Variants in EHHADH observed in about 807,000 individuals in gnomAD.
The protein encoded by EHHADH is enoyl-CoA hydratase and 3-hydroxyacyl CoA dehydrogenase.
A neutral mutation model predicts 64.4 loss-of-function variants in EHHADH; 48 were observed. The observed-to-expected ratio is 0.75, with a 90% CI of 0.59 to 0.95. The LOEUF (loss-of-function observed/expected upper bound fraction) is 0.95. Among genes scored for constraint, EHHADH ranks in the 40% least tolerant of loss-of-function variants. The pLI is 0.00. For synonymous variants in EHHADH, 308 were observed against 326.7 expected, an observed-to-expected ratio of 0.94 and a Z score of 0.62; for missense variants, 854 against 876.6, an observed-to-expected ratio of 0.97 and a Z score of 0.33.
At chr3:185,229,235 A>G (rs1164980233) in intron 4 of EHHADH, among the ~76,000 whole-genome samples, 197 bp downstream of exon 4, 2 of 152,232 alleles carry the variant, frequency 1.3e-5, no homozygotes, top group African/African-American at 2.4e-5. Context: ...AGGCTCTCAC[A>G]TTTGATCTTC....
chr3:185,206,643 C>T (rs551885853), intron 5 of EHHADH, among the ~76,000 whole-genome samples: 1 of 151,892 alleles, frequency 6.6e-6, no homozygotes, highest in Non-Finnish European at 1.5e-5. Flanking sequence ...GCCTGGGCAA[C>T]ATGGTGAAAC....
At chr3:185,203,843 G>C (rs1341033467) in intron 6 of EHHADH, among the ~76,000 whole-genome samples, 1 of 152,024 alleles carries the variant, frequency 6.6e-6, no homozygotes, top group African/African-American at 2.4e-5. Flanking sequence ...AGGTAGCATA[G>C]AATAAAAAAT....
intron 5 of EHHADH, among the ~76,000 whole-genome samples, chr3:185,212,607 G>C (rs976451821): frequency 6.6e-6 from 1 of 152,182 alleles, no homozygotes; most frequent in Admixed American, 6.5e-5. Context: ...CAGTGGGAGT[G>C]AGAATAGGCT....
At chr3:185,194,627 C>CAAA (rs1438594344) in intron 6 of EHHADH, among the ~76,000 whole-genome samples, 1 of 150,298 alleles carries the variant, frequency 6.7e-6, no homozygotes, top group African/African-American at 2.4e-5. Flanking sequence ...ACAACAACAA[C>CAAA]AACAACAACA....
chr3:185,218,175 G>T lies in EHHADH; in HGVS notation c.529C>A (p.Pro177Thr). 1 of 1,605,906 alleles carries T rather than the reference G, an allele frequency of 6.2e-7. No homozygotes were observed. The highest frequency in any genetic ancestry group is 1.1e-5 in the South Asian group (1 of 90,392). The change falls in exon 5 of 7, where the codon CCG (proline) becomes ACG (threonine). Residue 177 changes from proline (P) to threonine (T), a missense_variant. By Grantham distance (38) the Pro-to-Thr change is conservative. Coordinates refer to ENST00000231887, the MANE Select transcript of EHHADH (RefSeq NM_001966.4). ...GILDKVVNSD[P>T]VEEAIRFAQR... ...GCAAATCTGATTGCTTCTTCAACCG[G>T]GTCTGAGTTTACAACTTTATCTAGA...
At chr3:185,217,654 T>A (rs1216477540) in intron 5 of EHHADH, among the ~76,000 whole-genome samples, 1 of 151,974 alleles carries the variant, frequency 6.6e-6, no homozygotes, top group African/African-American at 2.4e-5. Flanking sequence ...GTAAAAGCTC[T>A]GAGACCTCAC....
At chr3:185,218,856 C>G (rs1018670341) in intron 4 of EHHADH, among the ~76,000 whole-genome samples, 2 of 152,118 alleles carry the variant, frequency 1.3e-5, no homozygotes, top group Non-Finnish European at 2.9e-5. Context: ...AACCCTGTCT[C>G]TACTACAAAT....
chr3:185,221,642 G>A (rs1320309737), intron 4 of EHHADH, among the ~76,000 whole-genome samples: 1 of 138,860 alleles, frequency 7.2e-6, no homozygotes, highest in Admixed American at 8.1e-5. Context: ...GCGCAATCTC[G>A]GCTCACTGCA....
intron 5 of EHHADH, among the ~76,000 whole-genome samples, chr3:185,214,193 G>A (rs993916571): frequency 5.3e-5 from 8 of 152,114 alleles, no homozygotes; most frequent in East Asian, 1.9e-4. Flanking sequence ...GTTTCCATGG[G>A]ATTCTAATCA....
At chr3:185,238,249 T>C (rs193155120) in intron 2 of EHHADH, among the ~76,000 whole-genome samples, 6 of 152,272 alleles carry the variant, frequency 3.9e-5, no homozygotes, top group Admixed American at 3.3e-4. Flanking sequence ...GATATAATAA[T>C]ATATTTTCCT....
intron 2 of EHHADH, among the ~76,000 whole-genome samples, chr3:185,242,173 T>C (rs1208212558): frequency 2.0e-5 from 3 of 152,158 alleles, no homozygotes; most frequent in Non-Finnish European, 4.4e-5. Context: ...TTAGATGATG[T>C]TAACAAATGG....
At chr3:185,239,528 T>C (rs1020411781) in intron 2 of EHHADH, among the ~76,000 whole-genome samples, 1 of 152,186 alleles carries the variant, frequency 6.6e-6, no homozygotes, top group African/African-American at 2.4e-5. Flanking sequence ...CTAGGTATTT[T>C]ATTTTTTTGT....
chr3:185,193,497 A>G lies in EHHADH; in HGVS notation c.911-10T>C, dbSNP rs138136781. ...CCCATTGTTCCCAAGCCTGCAGATA[A>G]AAATCAAAGGAGAAAAAGAATGATT... On this transcript the variant is annotated splice_polypyrimidine_tract_variant and intron_variant, in intron 6 of 6. Coordinates refer to ENST00000231887, the MANE Select transcript of EHHADH (RefSeq NM_001966.4). The G allele has an allele frequency of 2.9e-4, 471 of 1,610,468 alleles. 1 individual carries two copies. The East Asian group carries it at 9.6e-3, about 33-fold the overall frequency.
intron 2 of EHHADH, among the ~76,000 whole-genome samples, chr3:185,242,843 C>A (rs1719494922): frequency 6.6e-6 from 1 of 152,232 alleles, no homozygotes; most frequent in Admixed American, 6.5e-5. Context: ...GAAGTCTGCA[C>A]TCCAGATTCC....
chr3:185,203,024 G>A (rs1345590706), intron 6 of EHHADH, among the ~76,000 whole-genome samples: 1 of 151,716 alleles, frequency 6.6e-6, no homozygotes, highest in Non-Finnish European at 1.5e-5. Flanking sequence ...GAAAAAAAAG[G>A]ATATAAATAT....
rs190020887 is a variant in EHHADH, at chr3:185,241,050, G to A, written c.179-5588C>T. Among the ~76,000 whole-genome samples the A allele has an allele frequency of 1.0e-3, 151 of 151,138 alleles. No homozygotes were observed. The South Asian group carries it at 0.015, about 15-fold the overall frequency. ...TTAGCTCCCACATATCAGTGAGAACGTACAATATTTGGTTTTCCATTCCTG... is the reference window on the plus strand; with the variant it reads ...TTAGCTCCCACATATCAGTGAGAACATACAATATTTGGTTTTCCATTCCTG... On this transcript the variant is annotated intron_variant, in intron 2 of 6. Transcript: ENST00000231887.
chr3:185,239,632 T>C (rs2108648906), intron 2 of EHHADH, among the ~76,000 whole-genome samples: 1 of 152,324 alleles, frequency 6.6e-6, no homozygotes, highest in Non-Finnish European at 1.5e-5. Context: ...ATTCATTTTG[T>C]ATCCTGAAAC....
intron 4 of EHHADH, among the ~76,000 whole-genome samples, chr3:185,224,423 C>A (rs531015320): frequency 1.2e-3 from 174 of 149,314 alleles, no homozygotes; most frequent in African/African-American, 4.0e-3. Context: ...ATCACTTGAA[C>A]CCGGGAGGTG....
At chr3:185,246,129 A>T in intron 2 of EHHADH, 1 of 1,198,890 alleles carries the variant, frequency 8.3e-7, no homozygotes, top group Non-Finnish European at 1.2e-6. Flanking sequence ...GTTCTTGAAC[A>T]TCACTTTCAA....
Sources: allele counts gnomAD v4.1 joint callset (sites outside exome capture counted in the v4.1 genomes callset), GRCh38; gene constraint gnomAD v4.1.1; transcripts MANE v1.5; gene names NCBI Gene and HGNC (gene_info 2026-07-23, HGNC 2026-07-21).